Variants in ZXDC observed in about 807,000 individuals in gnomAD.
ZXDC encodes the protein zinc finger protein ZXDC.
Under a neutral mutation model 63.6 loss-of-function variants are expected in ZXDC, and 58 were observed. The observed-to-expected ratio is 0.91, with a 90% CI of 0.74 to 1.13. The LOEUF (loss-of-function observed/expected upper bound fraction) is 1.13. ZXDC is among the 50% of genes most tolerant of loss of function. The pLI, the probability that ZXDC is intolerant of heterozygous loss-of-function variation, is 0.00. For synonymous variants in ZXDC, 561 were observed against 496.1 expected (o/e 1.13, Z -1.74); for missense variants, 1,133 against 1,148.9 (o/e 0.99, Z 0.20).
intron 5 of ZXDC, among the ~76,000 whole-genome samples, chr3:126,463,318 C>T (rs1175763238): frequency 2.0e-5 from 3 of 152,172 alleles, no homozygotes; most frequent in Admixed American, 1.3e-4. Context: ...ATCGGCCCGC[C>T]TGGGCCTCCC....
rs770933630 is a variant in ZXDC at position 126,441,826 on chromosome 3, C to T, written c.2333G>A (p.Gly778Glu). The T allele has an allele frequency of 8.7e-6, 14 of 1,613,616 alleles. No homozygotes were observed. The South Asian group carries it at 1.5e-4, about 18-fold the overall frequency. ...SLVVPSGGRP[G>E]PAPAAGVQCG... The stretch of plus-strand genomic sequence containing the variant: ...CTGCACCCCAGCTGCTGGAGCTGGT[C>T]CTGGCCGTCCTCCGCTGGGCACCAC... Residue 778 changes from glycine (G) to glutamate (E), a missense_variant, in exon 8 of 10, where the codon GGA becomes GAA. Physicochemically the swap from Gly to Glu is moderately conservative, Grantham distance 98. Transcript: ENST00000389709.
chr3:126,460,846 A>G, intron 6 of ZXDC: 2 of 985,438 alleles, frequency 2.0e-6, no homozygotes, highest in Non-Finnish European at 2.4e-6. Flanking sequence ...ATAAGATGTA[A>G]CATTCTCAAC....
At chr3:126,444,293 G>A (rs973612297) in intron 7 of ZXDC, among the ~76,000 whole-genome samples, 2 of 152,204 alleles carry the variant, frequency 1.3e-5, no homozygotes, top group East Asian at 3.8e-4. Flanking sequence ...AGCGCTTTGG[G>A]AGGCCAAGGC....
At position 126,459,803 on chromosome 3, in the gene ZXDC, C is replaced by T. The variant is rs1269109560; in HGVS notation, c.2128-66G>A. 5.0e-6 allele frequency: 8 copies of T among 1,612,944 alleles called. No homozygotes were observed. The African/African-American group carries it at 9.3e-5, about 19-fold the overall frequency. ...CAAAGGAAGGGTAGCAAGGGAGCTA[C>T]AGAAGTGCCATAAGCCTGCTTCTGG... is the stretch of plus-strand genomic sequence containing the variant. On this transcript the variant is annotated intron_variant, in intron 6 of 9. Coordinates refer to ENST00000389709, the MANE Select transcript of ZXDC (RefSeq NM_025112.5).
chr3:126,446,244 C>T (rs1162057870), intron 7 of ZXDC, among the ~76,000 whole-genome samples: 1 of 152,162 alleles, frequency 6.6e-6, no homozygotes, highest in African/African-American at 2.4e-5. Flanking sequence ...CACCAAGCAA[C>T]CTCCTGGGAA....
intron 1 of ZXDC, 104 bp from the exon 2 acceptor site, chr3:126,472,409 AGG>A: frequency 7.2e-7 from 1 of 1,394,586 alleles, no homozygotes. Context: ...GAAGCAGACA[AGG>A]GAAAACATGA....
Position 126,461,582 on chromosome 3 carries a change from C to A in ZXDC, c.2080G>T (p.Gly694Cys), listed in dbSNP as rs560378046. 1.2e-6 allele frequency: 2 copies of A among 1,614,018 alleles called. No homozygotes were observed. The highest frequency in any genetic ancestry group is 2.7e-5 in the African/African-American group (2 of 74,930). ...STLPSPAEQH[G>C]AQDTELSAGT... ...GCACTGAGCTCTGTGTCCTGGGCACCGTGCTGCTCTGCTGGACTGGGCAAC... is the reference window on the plus strand; with the variant it reads ...GCACTGAGCTCTGTGTCCTGGGCACAGTGCTGCTCTGCTGGACTGGGCAAC... The change falls in exon 6 of 10, where the codon GGT becomes TGT. Residue 694 changes from glycine to cysteine, a missense_variant. Gly to Cys is a radical substitution (Grantham distance 159). Coordinates refer to ENST00000389709, the MANE Select transcript of ZXDC (RefSeq NM_025112.5).
chr3:126,458,598 A>C, intron 7 of ZXDC: 1 of 985,276 alleles, frequency 1.0e-6, no homozygotes, highest in Non-Finnish European at 1.2e-6. Context: ...TGAAAACATC[A>C]AACCTCCTTT....
At chr3:126,444,350 G>A (rs1933798757) in intron 7 of ZXDC, among the ~76,000 whole-genome samples, 1 of 152,078 alleles carries the variant, frequency 6.6e-6, no homozygotes, top group Non-Finnish European at 1.5e-5. Flanking sequence ...GGCTAACACG[G>A]TGAAACCTCG....
Position 126,456,972 on chromosome 3 carries a change from G to A in ZXDC, c.2212+2681C>T, listed in dbSNP as rs182547780. ...ACCCCCGTCTCCAGCAACCCAGCCCGGGTCTCATCTCCAGAAGACATCAGG... is the reference window on the plus strand; with the variant it reads ...ACCCCCGTCTCCAGCAACCCAGCCCAGGTCTCATCTCCAGAAGACATCAGG... On this transcript the variant is annotated intron_variant, in intron 7 of 9. Coordinates refer to ENST00000389709, the MANE Select transcript of ZXDC (RefSeq NM_025112.5). Among the ~76,000 whole-genome samples, 21 of 152,324 alleles carry A rather than the reference G, an allele frequency of 1.4e-4. No individual in the cohort carries two copies. The East Asian group carries it at 3.3e-3, about 24-fold the overall frequency.
At position 126,441,814 on chromosome 3, in the gene ZXDC, G is replaced by T. The variant is rs200137632; in HGVS notation, c.2345C>A (p.Ala782Glu). 1.3e-4 allele frequency: 214 copies of T among 1,613,188 alleles called. No homozygotes were observed. The highest frequency in any genetic ancestry group is 2.0e-4 in the Admixed American group (12 of 59,962). The change falls in exon 8 of 10, where the codon GCA becomes GAA. Residue 782 changes from alanine (A) to glutamate (E), a missense_variant. Transcript: ENST00000389709. ...PSGGRPGPAP[A>E]AGVQCGAQGV... The stretch of plus-strand genomic sequence containing the variant: ...CTGCGCCCCGCACTGCACCCCAGCT[G>T]CTGGAGCTGGTCCTGGCCGTCCTCC...
chr3:126,457,511 C>T, intron 7 of ZXDC: 6 of 985,448 alleles, frequency 6.1e-6, no homozygotes, highest in Non-Finnish European at 7.2e-6. Context: ...TCCTGCTGCA[C>T]TCACACACGG....
At position 126,451,782 on chromosome 3, in the gene ZXDC, GTC is replaced by G. The variant is rs1934111382; in HGVS notation, c.2212+7869_2212+7870del. ...TCTGGAAAGCTCTCTGTGCGGACGT[GTC>G]TCTGTGGCTGTGCCTCTGCTGATAC... On this transcript the variant is annotated intron_variant, in intron 7 of 9. Transcript: ENST00000389709. 3.0e-6 allele frequency: 3 copies of G among 985,274 alleles called. No individual in the cohort carries two copies. The Admixed American group carries it at 1.8e-4, about 61-fold the overall frequency. The allele number at this position is 985,274 out of a possible 1,614,324, so 61.0% of individuals were successfully genotyped here.
intron 1 of ZXDC, among the ~76,000 whole-genome samples, chr3:126,474,483 G>A (rs767623817): frequency 6.6e-6 from 1 of 152,276 alleles, no homozygotes; most frequent in Non-Finnish European, 1.5e-5. Context: ...GAGGTTCAAC[G>A]GAAATCAAAG....
chr3:126,444,440 G>A (rs1226555251), intron 7 of ZXDC, among the ~76,000 whole-genome samples: 2 of 151,954 alleles, frequency 1.3e-5, no homozygotes, highest in African/African-American at 4.8e-5. Flanking sequence ...GCTGAGGCAG[G>A]AGAATGGCAT....
At chr3:126,462,889 C>T (rs1934611646) in intron 5 of ZXDC, among the ~76,000 whole-genome samples, 1 of 152,088 alleles carries the variant, frequency 6.6e-6, no homozygotes, top group Non-Finnish European at 1.5e-5. Context: ...TGCTGGGGGC[C>T]CCCTAGACGG....
intron 7 of ZXDC, among the ~76,000 whole-genome samples, chr3:126,445,810 T>C (rs1465528874): frequency 6.6e-6 from 1 of 152,098 alleles, no homozygotes; most frequent in Non-Finnish European, 1.5e-5. Flanking sequence ...GAGCAGGGTG[T>C]TCTGTCCTAG....
intron 7 of ZXDC, chr3:126,454,249 C>CA (rs1181705716): frequency 4.1e-6 from 4 of 984,772 alleles, no homozygotes; most frequent in Non-Finnish European, 4.8e-6. Context: ...TAATCACTTT[C>CA]AAACTGCTAG....
Position 126,462,201 on chromosome 3 carries a change from T to C in ZXDC, c.1461A>G (p.Glu487=). 1 of 1,598,772 alleles carries C rather than the reference T, an allele frequency of 6.3e-7. No individual in the cohort carries two copies. Among genetic ancestry groups the C allele is most frequent in the Non-Finnish European group, 8.5e-7 (1 of 1,174,732 alleles). ...TGCTGGGAGTAAGAGAACTCGGAGCTTCTAGCTGAGGTAAGAGATCTGAAA... is the reference window on the plus strand; with the variant it reads ...TGCTGGGAGTAAGAGAACTCGGAGCCTCTAGCTGAGGTAAGAGATCTGAAA... ...SRRQDLLPQL[E]APSSLTPSSE... The change falls in exon 6 of 10, where the codon GAA becomes GAG. Residue 487 remains glutamate (E), a synonymous_variant. Transcript: ENST00000389709.
Sources: gnomAD v4.1 joint callset for allele counts (sites outside exome capture counted in the v4.1 genomes callset) on GRCh38, gnomAD v4.1.1 for gene constraint, MANE v1.5 for transcripts, NCBI Gene and HGNC (gene_info 2026-07-23, HGNC 2026-07-21) for gene names.